The following UTP20 variants were observed in gnomAD, a reference collection of about 807,000 sequenced individuals.
The protein encoded by UTP20 is small subunit processome component 20 homolog.
A neutral mutation model predicts 329.5 loss-of-function variants in UTP20; 164 were observed. The ratio of observed to expected loss-of-function variants is 0.50; its 90% CI spans 0.44 to 0.57. UTP20 has a LOEUF of 0.57. Among genes scored for constraint, UTP20 ranks in the 20% least tolerant of loss-of-function variants. The probability of loss-of-function intolerance (pLI) is 0.00; values close to 1 mark genes in which losing one functional copy is unlikely to be tolerated. For missense variants in UTP20, 3,055 were observed against 3,284.2 expected (o/e 0.93, Z 1.71); for synonymous variants, 1,151 against 1,159.3 (o/e 0.99, Z 0.14).
At chr12:101,354,261 CA>C (rs71091489) in intron 40 of UTP20, among the ~76,000 whole-genome samples, 13,618 of 80,292 alleles carry the variant, frequency 0.17, 504 homozygotes, top group Middle Eastern at 0.24. Flanking sequence ...GACTCTGTCT[CA>C]AAAAAAAAAA....
intron 8 of UTP20, 116 bp from the exon 9 acceptor site, chr12:101,291,626 C>T: frequency 2.0e-6 from 2 of 1,000,086 alleles, no homozygotes; most frequent in East Asian, 3.8e-5. Flanking sequence ...GTAAATGTAT[C>T]TTTTTCTTCC....
At chr12:101,356,447 TCATC>T (rs1869723702) in intron 41 of UTP20, 103 bp from the exon 42 acceptor site, 2 of 1,042,468 alleles carry the variant, frequency 1.9e-6, no homozygotes, top group African/African-American at 3.3e-5. Flanking sequence ...CTTTTTATGA[TCATC>T]CATCCTTCTA....
In UTP20 at chr12:101,328,294, G is replaced by A. The variant is rs368952846; in HGVS notation, c.3209-947G>A. On this transcript the variant is annotated intron_variant, in intron 26 of 61. Transcript: ENST00000261637. ...TAGATGATACTCTTATGGATGGCCC[G>A]TTTGGGTGTATGAATCCATAAGCTC... is the stretch of plus-strand genomic sequence containing the variant. 2.0e-3 allele frequency among the ~76,000 whole-genome samples: 310 copies of A among 152,250 alleles called. 2 individuals are homozygous for A. Among genetic ancestry groups the A allele is most frequent in the African/African-American group, 6.8e-3 (281 of 41,548 alleles).
At chr12:101,313,266 C>A (rs1593428601) in intron 21 of UTP20, among the ~76,000 whole-genome samples, 1 of 152,182 alleles carries the variant, frequency 6.6e-6, no homozygotes, top group Non-Finnish European at 1.5e-5. Flanking sequence ...TAAACCACAA[C>A]ATGCCTGGCT....
chr12:101,293,142 A>T, intron 10 of UTP20, 26 bp from the exon 11 acceptor site: 1 of 1,606,266 alleles, frequency 6.2e-7, no homozygotes, highest in Non-Finnish European at 8.5e-7. Flanking sequence ...GTGTACTTAC[A>T]TTAATATTTT....
In UTP20 at chr12:101,363,690, G is replaced by A. The variant is rs759472914; in HGVS notation, c.5905G>A (p.Gly1969Ser). The part of the protein sequence containing the change: ...SKSYDSYEIL[G>S]KFVGKDQVTK... ...AAGTTACGACTCTTATGAAATCCTC[G>A]GCAAGTTTGTAGGAAAAGATCAGGT... Residue 1969 changes from glycine (G) to serine (S), a missense_variant, in exon 45 of 62, where the codon GGC becomes AGC. Physicochemically the swap from Gly to Ser is moderately conservative, Grantham distance 56. Coordinates refer to ENST00000261637, the MANE Select transcript of UTP20 (RefSeq NM_014503.3). 3.1e-6 allele frequency: 5 copies of A among 1,612,610 alleles called. No individual in the cohort carries two copies. The highest frequency in any genetic ancestry group is 2.2e-5 in the East Asian group (1 of 44,880).
At chr12:101,287,482 C>T (rs1276454016) in intron 5 of UTP20, among the ~76,000 whole-genome samples, 1 of 152,238 alleles carries the variant, frequency 6.6e-6, no homozygotes, top group Non-Finnish European at 1.5e-5. Context: ...TTCGGTGTGA[C>T]AACTTCAGTA....
chr12:101,368,128 T>A, intron 48 of UTP20, 152 bp downstream of exon 48: 1 of 496,792 alleles, frequency 2.0e-6, no homozygotes, highest in Non-Finnish European at 3.5e-6. Flanking sequence ...GTTTTTGGGT[T>A]TTTTTTTTTT....
chr12:101,306,342 T>C (rs1162753244), intron 16 of UTP20, among the ~76,000 whole-genome samples: 2 of 152,118 alleles, frequency 1.3e-5, no homozygotes, highest in African/African-American at 4.8e-5. Flanking sequence ...TTTTAAGTCT[T>C]CTAGGTGGTT....
chr12:101,311,681 A>G (rs1304279592), intron 19 of UTP20, 38 bp from the exon 20 acceptor site: 66 of 1,564,432 alleles, frequency 4.2e-5, no homozygotes, highest in Non-Finnish European at 5.6e-5. Context: ...AAATGGCCAT[A>G]CCACACTTTT....
At chr12:101,309,932 T>A (rs1236281752) in intron 19 of UTP20, 93 bp downstream of exon 19, 23 of 1,115,452 alleles carry the variant, frequency 2.1e-5, no homozygotes, top group Non-Finnish European at 9.4e-6. Flanking sequence ...GTGATTTAAA[T>A]GAATGGGTGT....
rs749504475 is a variant in UTP20, at chr12:101,369,779, T to A, written c.6443T>A (p.Ile2148Lys). 8.1e-6 allele frequency: 13 copies of A among 1,610,790 alleles called. No homozygotes were observed. The highest frequency in any genetic ancestry group is 9.3e-6 in the Non-Finnish European group (11 of 1,177,042). Residue 2148 changes from isoleucine (I) to lysine (K), a missense_variant, in exon 49 of 62, where the codon ATA (isoleucine) becomes AAA (lysine). By Grantham distance (102) the Ile-to-Lys change is moderately radical (BLOSUM62 -3). Coordinates refer to ENST00000261637, the MANE Select transcript of UTP20 (RefSeq NM_014503.3). ...IWVLRFPLPSIETKAEQLTKH... is the reference protein window; with the variant it reads ...IWVLRFPLPSKETKAEQLTKH... ...GTCTTGAGGTTCCCGCTACCTTCCA[T>A]AGAAACAAAAGCAGAGCAGCTGACA...
intron 17 of UTP20, 138 bp from the exon 18 acceptor site, chr12:101,308,047 A>C: frequency 1.3e-6 from 1 of 750,814 alleles, no homozygotes; most frequent in Non-Finnish European, 1.9e-6. Flanking sequence ...TTACCAAAAA[A>C]AAAAGTGTTA....
intron 7 of UTP20, 75 bp downstream of exon 7, chr12:101,290,349 A>T (rs1362363130): frequency 6.0e-6 from 9 of 1,495,352 alleles, no homozygotes; most frequent in Non-Finnish European, 7.1e-6. Context: ...GAGGCAAATG[A>T]TGTGGAGGGA....
At chr12:101,356,741 T>A (rs1358874372) in intron 42 of UTP20, 48 bp downstream of exon 42, 1 of 1,575,268 alleles carries the variant, frequency 6.3e-7, no homozygotes, top group African/African-American at 1.4e-5. Context: ...AAAAATTGGT[T>A]CTTTTCTTCC....
chr12:101,348,739 G>GTT (rs35417344), intron 38 of UTP20, among the ~76,000 whole-genome samples: 3,863 of 97,230 alleles, frequency 0.04, 230 homozygotes, highest in African/African-American at 0.048. Flanking sequence ...GTTTTTGGTG[G>GTT]TTTTTTTTTT....
intron 21 of UTP20, among the ~76,000 whole-genome samples, chr12:101,312,741 A>G (rs1000344835): frequency 1.3e-5 from 2 of 152,216 alleles, no homozygotes; most frequent in African/African-American, 4.8e-5. Context: ...CGCCCAGCCT[A>G]GGCTGAGTTC....
intron 21 of UTP20, among the ~76,000 whole-genome samples, chr12:101,316,870 A>G (rs1872987773): frequency 1.3e-5 from 2 of 152,256 alleles, no homozygotes; most frequent in East Asian, 1.9e-4. Context: ...AACAAAGTGA[A>G]TACTGTATTA....
chr12:101,285,461 A>T, intron 2 of UTP20, 109 bp from the exon 3 acceptor site: 1 of 1,222,124 alleles, frequency 8.2e-7, no homozygotes, highest in Non-Finnish European at 1.1e-6. Context: ...AGGAGTTCTT[A>T]AACTCTTCAG....
Sources: allele counts gnomAD v4.1 joint callset (sites outside exome capture counted in the v4.1 genomes callset), GRCh38; gene constraint gnomAD v4.1.1; transcripts MANE v1.5; gene names NCBI Gene and HGNC (gene_info 2026-07-23, HGNC 2026-07-21).